The following OBI1 variants were observed in gnomAD, a reference collection of about 807,000 sequenced individuals.
OBI1 encodes the protein ring finger protein 219.
In OBI1, 59 loss-of-function variants were observed where a neutral mutation model predicts 62.4. The observed-to-expected ratio is 0.95, with a 90% CI of 0.77 to 1.17. The LOEUF is 1.17. Ranked by LOEUF, OBI1 falls within the 50% of genes most tolerant of loss-of-function variation. The pLI, the probability that OBI1 is intolerant of heterozygous loss-of-function variation, is 0.00. For synonymous variants in OBI1, 302 were observed against 292.8 expected (o/e 1.03, Z -0.32); for missense variants, 875 against 830.9 (o/e 1.05, Z -0.65).
intron 4 of OBI1, among the ~76,000 whole-genome samples, chr13:78,636,008 C>CT (rs1477024313): frequency 6.6e-6 from 1 of 152,190 alleles, no homozygotes; most frequent in Non-Finnish European, 1.5e-5. Flanking sequence ...AGTGATCCAC[C>CT]TGCCCCAGCC....
chr13:78,652,146 C>A (rs2137469206), intron 1 of OBI1, among the ~76,000 whole-genome samples: 1 of 152,154 alleles, frequency 6.6e-6, no homozygotes, highest in East Asian at 1.9e-4. Flanking sequence ...AAACAGGTGA[C>A]TAATTCATTT....
intron 3 of OBI1, 117 bp from the exon 4 acceptor site, chr13:78,639,188 A>G: frequency 4.0e-6 from 4 of 989,616 alleles, no homozygotes; most frequent in Non-Finnish European, 5.8e-6. Flanking sequence ...AGATACATAG[A>G]TTCTTTACAT....
intron 1 of OBI1, among the ~76,000 whole-genome samples, chr13:78,650,630 T>C (rs1221044728): frequency 6.6e-6 from 1 of 152,168 alleles, no homozygotes; most frequent in Non-Finnish European, 1.5e-5. Context: ...CTTTAGCTAC[T>C]GTGGGCATCA....
At chr13:78,648,853 C>A (rs1269149488) in intron 1 of OBI1, among the ~76,000 whole-genome samples, 1 of 149,758 alleles carries the variant, frequency 6.7e-6, no homozygotes, top group Non-Finnish European at 1.5e-5. Context: ...GCAGAGGTTG[C>A]GGCGAGCTGA....
intron 1 of OBI1, among the ~76,000 whole-genome samples, chr13:78,655,125 C>T (rs969171288): frequency 5.3e-5 from 8 of 152,152 alleles, no homozygotes; most frequent in Non-Finnish European, 8.8e-5. Context: ...GGCTTTCACT[C>T]ATGGCAAAAT....
intron 1 of OBI1, among the ~76,000 whole-genome samples, 197 bp downstream of exon 1, chr13:78,658,852 C>A (rs938081802): frequency 3.3e-5 from 5 of 152,198 alleles, no homozygotes; most frequent in African/African-American, 4.8e-5. Context: ...CTCCGAAAGG[C>A]GCCCAGATGA....
intron 5 of OBI1, among the ~76,000 whole-genome samples, chr13:78,626,046 C>CA (rs1566277513): frequency 6.6e-6 from 1 of 152,180 alleles, no homozygotes; most frequent in Admixed American, 6.5e-5. Context: ...TCAGAGTCAG[C>CA]ATGGAGACAG....
intron 1 of OBI1, among the ~76,000 whole-genome samples, chr13:78,654,799 A>G (rs1405793888): frequency 6.6e-6 from 1 of 152,206 alleles, no homozygotes; most frequent in Non-Finnish European, 1.5e-5. Context: ...AGTAGAAATC[A>G]TAATTTTATG....
intron 5 of OBI1, among the ~76,000 whole-genome samples, chr13:78,623,411 G>A (rs926717417): frequency 6.6e-6 from 1 of 152,050 alleles, no homozygotes; most frequent in Non-Finnish European, 1.5e-5. Flanking sequence ...ACAATTCATT[G>A]TTTACTTGGC....
rs539866537 is a variant in OBI1 at position 78,633,662 on chromosome 13, G to A, written c.638+1448C>T. Among the ~76,000 whole-genome samples the A allele has an allele frequency of 8.5e-5, 13 of 152,168 alleles. No individual in the cohort carries two copies. In the South Asian group the frequency reaches 2.1e-3, roughly 24 times the overall value. ...AAGAAGAACCTTAAGTGCTGTCTGC[G>A]ATCTTTTCTCCATTTGCAACCCTTA... On this transcript the variant is annotated intron_variant, in intron 5 of 5. Coordinates refer to ENST00000282003, the MANE Select transcript of OBI1 (RefSeq NM_024546.4).
At chr13:78,620,683 C>T (rs1233305187) in intron 5 of OBI1, 2 of 455,912 alleles carry the variant, frequency 4.4e-6, no homozygotes, top group East Asian at 1.4e-4. Flanking sequence ...ATTTCTGTCC[C>T]TAGTAAAAGA....
chr13:78,633,248 G>A (rs571644303), intron 5 of OBI1, among the ~76,000 whole-genome samples: 3 of 152,268 alleles, frequency 2.0e-5, no homozygotes, highest in Admixed American at 6.5e-5. Flanking sequence ...ATTTGTCAAA[G>A]TAGGACATTA....
intron 5 of OBI1, among the ~76,000 whole-genome samples, chr13:78,632,238 C>T (rs1050253270): frequency 6.6e-6 from 1 of 152,068 alleles, no homozygotes; most frequent in African/African-American, 2.4e-5. Flanking sequence ...AAAGACATAA[C>T]AAGAAGGTAA....
chr13:78,616,596 G>A lies in OBI1; in HGVS notation c.1165C>T (p.Pro389Ser). The change falls in exon 6 of 6, where the codon CCT becomes TCT. Residue 389 changes from proline (P) to serine (S), a missense_variant. Coordinates refer to ENST00000282003, the MANE Select transcript of OBI1 (RefSeq NM_024546.4). ...CAACTAAGGGACAAAGGAGTACAAG[G>A]AGCTGGAAGATCATAAAGTTCTTCA... Reference protein sequence around the residue: ...KDEELYDLPAPCTPLSLSCLQ... With the variant: ...KDEELYDLPASCTPLSLSCLQ... 6.2e-7 allele frequency: 1 copy of A among 1,614,150 alleles called. No individual in the cohort carries two copies. Among genetic ancestry groups the A allele is most frequent in the Non-Finnish European group, 8.5e-7 (1 of 1,180,018 alleles).
intron 5 of OBI1, among the ~76,000 whole-genome samples, chr13:78,617,911 CA>C (rs1875369076): frequency 6.6e-6 from 1 of 151,958 alleles, no homozygotes; most frequent in African/African-American, 2.4e-5. Flanking sequence ...CCCTTATTCA[CA>C]AAAAGTCTAC....
intron 4 of OBI1, among the ~76,000 whole-genome samples, chr13:78,637,477 T>C (rs1173683519): frequency 6.6e-6 from 1 of 152,198 alleles, no homozygotes; most frequent in Non-Finnish European, 1.5e-5. Flanking sequence ...CCATCCCTCA[T>C]ATCACCCTTA....
At position 78,616,097 on chromosome 13, in the gene OBI1, C is replaced by A; in HGVS notation, c.1664G>T (p.Cys555Phe). 1.2e-6 allele frequency: 2 copies of A among 1,614,138 alleles called. No homozygotes were observed. Among genetic ancestry groups the A allele is most frequent in the Non-Finnish European group, 1.7e-6 (2 of 1,180,030 alleles). Residue 555 changes from cysteine to phenylalanine, a missense_variant, in exon 6 of 6, where the codon TGT (cysteine) becomes TTT (phenylalanine). By Grantham distance (205) the Cys-to-Phe change is radical. Transcript: ENST00000282003. ...MSESDNSKSP[C>F]NNGFKSLDLD... ...ATCCAGTGACTTAAAACCGTTATTA[C>A]AAGGGCTCTTGCTGTTGTCTGACTC...
At chr13:78,618,914 A>G (rs774054545) in intron 5 of OBI1, among the ~76,000 whole-genome samples, 1 of 152,230 alleles carries the variant, frequency 6.6e-6, no homozygotes. Flanking sequence ...AAGACCTTTC[A>G]GTACATTAAG....
chr13:78,625,618 A>G (rs1875643088), intron 5 of OBI1, among the ~76,000 whole-genome samples: 1 of 152,180 alleles, frequency 6.6e-6, no homozygotes, highest in African/African-American at 2.4e-5. Context: ...TACCTTATCA[A>G]TACAATAAAG....
Sources: allele counts gnomAD v4.1 joint callset (sites outside exome capture counted in the v4.1 genomes callset), GRCh38; gene constraint gnomAD v4.1.1; transcripts MANE v1.5; gene names NCBI Gene and HGNC (gene_info 2026-07-23, HGNC 2026-07-21).